The following PCDHA7 variants were observed in gnomAD, a reference collection of about 807,000 sequenced individuals.
PCDHA7 encodes protocadherin alpha 7.
PCDHA7 carries 37 observed loss-of-function variants against 57.2 expected under a neutral mutation model. The observed-to-expected ratio is 0.65, with a 90% CI of 0.50 to 0.85. The LOEUF is 0.85. Ranked by LOEUF, PCDHA7 falls within the 40% of genes least tolerant of loss-of-function variation. PCDHA7 has a pLI of 0.00. For synonymous variants in PCDHA7, 553 were observed against 558.8 expected, an observed-to-expected ratio of 0.99 and a Z score of 0.15; for missense variants, 1,188 against 1,241.8, an observed-to-expected ratio of 0.96 and a Z score of 0.65.
chr5:140,849,508 T>C, intron 1 of PCDHA7: 1 of 1,596,440 alleles, frequency 6.3e-7, no homozygotes, highest in South Asian at 1.1e-5. Context: ...ACACTTCTTG[T>C]GGAAGTTGTG....
At chr5:140,926,771 A>C (rs2083548742) in intron 1 of PCDHA7, 11 of 1,372,492 alleles carry the variant, frequency 8.0e-6, no homozygotes, top group Non-Finnish European at 1.0e-5. Context: ...TCCAGCCCGC[A>C]GCAGTGACGG....
chr5:140,941,214 C>CCTTCCTTTCTTTCTTT (rs1554214040), intron 1 of PCDHA7, among the ~76,000 whole-genome samples: 12 of 122,414 alleles, frequency 9.8e-5, no homozygotes, highest in Admixed American at 6.8e-4. Flanking sequence ...TTTCTTTCTT[C>CCTTCCTTTCTTTCTTT]CTTTCTTTCT....
chr5:140,852,773 T>C, intron 1 of PCDHA7: 3 of 981,330 alleles, frequency 3.1e-6, no homozygotes, highest in East Asian at 1.1e-4. Context: ...GATTATTTGA[T>C]GTGAATAGAG....
chr5:140,951,659 C>A (rs1293655737), intron 1 of PCDHA7, among the ~76,000 whole-genome samples: 1 of 152,164 alleles, frequency 6.6e-6, no homozygotes, highest in Non-Finnish European at 1.5e-5. Context: ...CCCACCAGGG[C>A]CTGCCTACAA....
At chr5:140,840,164 T>C (rs1554137707) in intron 1 of PCDHA7, among the ~76,000 whole-genome samples, 1 of 151,988 alleles carries the variant, frequency 6.6e-6, no homozygotes, top group African/African-American at 2.4e-5. Context: ...AGAGATGGGA[T>C]GTATACAAAT....
At chr5:140,943,726 A>G (rs181662166) in intron 1 of PCDHA7, among the ~76,000 whole-genome samples, 8 of 152,372 alleles carry the variant, frequency 5.3e-5, no homozygotes, top group Middle Eastern at 3.4e-3. Flanking sequence ...GTCTGAGAGA[A>G]TGAAAGTCCA....
At chr5:140,880,349 TGAATTTA>T in intron 1 of PCDHA7, among the ~76,000 whole-genome samples, 1 of 152,224 alleles carries the variant, frequency 6.6e-6, no homozygotes, top group East Asian at 1.9e-4. Flanking sequence ...AGGCAGCAGG[TGAATTTA>T]GATGAAAACC....
At position 140,835,983 on chromosome 5, in the gene PCDHA7, C is replaced by T. The variant is rs1290587139; in HGVS notation, c.1600C>T (p.Gln534Ter). 1.2e-6 allele frequency: 2 copies of T among 1,613,326 alleles called. No homozygotes were observed. Among genetic ancestry groups the T allele is most frequent in the Non-Finnish European group, 1.7e-6 (2 of 1,179,696 alleles). Residue 534 changes from glutamine (Q) to a stop codon, truncating the protein, a stop_gained, in exon 1 of 4, where the codon CAG becomes TAG. Coordinates refer to ENST00000525929, the MANE Select transcript of PCDHA7 (RefSeq NM_018910.3). LOFTEE classifies it high-confidence loss of function. Reference protein sequence around the residue: ...DHEELELLQFQVSARDAGVPP... With the variant: ...DHEELELLQF ...CGAGGAGCTGGAGCTGTTGCAGTTC[C>T]AGGTGAGCGCGCGCGATGCGGGCGT...
At chr5:140,863,259 G>T in intron 1 of PCDHA7, 1 of 1,448,654 alleles carries the variant, frequency 6.9e-7, no homozygotes. Context: ...TCGAGGTCCG[G>T]GAGGCAGCGC....
intron 1 of PCDHA7, among the ~76,000 whole-genome samples, chr5:140,937,289 G>A (rs1252675615): frequency 6.6e-5 from 10 of 151,862 alleles, no homozygotes; most frequent in African/African-American, 9.7e-5. Flanking sequence ...CACCCGCTTC[G>A]GCCTCCCAAA....
chr5:141,010,312 G>C lies in PCDHA7; in HGVS notation c.*375G>C. On this transcript the variant is annotated 3_prime_UTR_variant, in exon 4 of 4. Transcript: ENST00000525929. ...TGCAGGGCAGGCTGAAAAGTTTTGA[G>C]ATTGAGCAGCTTGGGAGTTTGTGGC... is the stretch of plus-strand genomic sequence containing the variant. 1 of 1,547,400 alleles carries C rather than the reference G, an allele frequency of 6.5e-7. No individual in the cohort carries two copies. The highest frequency in any genetic ancestry group is 8.7e-7 in the Non-Finnish European group (1 of 1,145,752).
intron 1 of PCDHA7, chr5:140,851,137 A>G (rs2041971194): frequency 2.3e-6 from 3 of 1,313,646 alleles, no homozygotes; most frequent in South Asian, 2.5e-5. Flanking sequence ...TTGTGATTAA[A>G]GTGACATTGA....
At chr5:140,857,289 G>C in intron 1 of PCDHA7, 2 of 1,598,692 alleles carry the variant, frequency 1.3e-6, no homozygotes, top group African/African-American at 1.3e-5. Flanking sequence ...GCTCTGGACC[G>C]CGAGAGGGTG....
At chr5:140,957,549 C>G (rs563057107) in intron 1 of PCDHA7, among the ~76,000 whole-genome samples, 1 of 152,156 alleles carries the variant, frequency 6.6e-6, no homozygotes, top group South Asian at 2.1e-4. Context: ...AAAGTATTCT[C>G]TGTGGAAAAG....
Position 141,010,533 on chromosome 5 carries a change from C to T in PCDHA7, c.*596C>T, listed in dbSNP as rs1466502614. 4 of 390,018 alleles carry T rather than the reference C, an allele frequency of 1.0e-5. No homozygotes were observed. Among genetic ancestry groups the T allele is most frequent in the African/African-American group, 8.2e-5 (4 of 49,000 alleles). 24.2% of individuals were successfully genotyped at this position (390,018 alleles called of 1,614,324 possible). ...TACAACTCAAGAGGTGGCAGCCACCCTCTAGGAGACAAAACTACCCCCACT... is the reference window on the plus strand; with the variant it reads ...TACAACTCAAGAGGTGGCAGCCACCTTCTAGGAGACAAAACTACCCCCACT... On this transcript the variant is annotated 3_prime_UTR_variant, in exon 4 of 4. Transcript: ENST00000525929.
chr5:140,897,415 A>G (rs2066090522), intron 1 of PCDHA7, among the ~76,000 whole-genome samples: 1 of 138,406 alleles, frequency 7.2e-6, no homozygotes, highest in South Asian at 2.3e-4. Context: ...TTCAATTCCC[A>G]TCTATGAGTG....
intron 1 of PCDHA7, among the ~76,000 whole-genome samples, chr5:140,881,606 T>A (rs1554172306): frequency 6.6e-6 from 1 of 152,226 alleles, no homozygotes; most frequent in East Asian, 1.9e-4. Context: ...TAATATGATG[T>A]GCTTATTCAA....
intron 1 of PCDHA7, chr5:140,849,633 G>A: frequency 6.3e-7 from 1 of 1,598,806 alleles, no homozygotes; most frequent in African/African-American, 1.3e-5. Flanking sequence ...CCTAGACGCA[G>A]ATGCCAACGG....
intron 1 of PCDHA7, chr5:140,883,054 C>T: frequency 6.2e-7 from 1 of 1,614,072 alleles, no homozygotes; most frequent in South Asian, 1.1e-5. Context: ...CATTAGTGAT[C>T]AAGCTAAATG....
Sources: gnomAD v4.1 joint callset for allele counts (sites outside exome capture counted in the v4.1 genomes callset) on GRCh38, gnomAD v4.1.1 for gene constraint, MANE v1.5 for transcripts, NCBI Gene and HGNC (gene_info 2026-07-23, HGNC 2026-07-21) for gene names.